TMPRSS11F: variants seen among roughly 807,000 people sequenced by gnomAD.
TMPRSS11F encodes the protein transmembrane serine protease 11F.
In TMPRSS11F, 47 loss-of-function variants were observed where a neutral mutation model predicts 60.2. The observed-to-expected ratio is 0.78, with a 90% CI of 0.62 to 1.00. The LOEUF is 1.00. Ranked by LOEUF, TMPRSS11F falls within the 50% of genes least tolerant of loss-of-function variation. The pLI, the probability that TMPRSS11F is intolerant of heterozygous loss-of-function variation, is 0.00. For missense variants in TMPRSS11F, 519 were observed against 522.9 expected, an observed-to-expected ratio of 0.99 and a Z score of 0.07; for synonymous variants, 166 against 167.3, an observed-to-expected ratio of 0.99 and a Z score of 0.06.
intron 3 of TMPRSS11F, among the ~76,000 whole-genome samples, chr4:68,084,891 C>A (rs1484826267): frequency 7.9e-6 from 1 of 126,450 alleles, no homozygotes; most frequent in Non-Finnish European, 1.7e-5. Context: ...CCCCTCCCCC[C>A]ACCCCACCAC....
chr4:68,083,669 A>T (rs1460880031), intron 3 of TMPRSS11F, among the ~76,000 whole-genome samples: 1 of 152,078 alleles, frequency 6.6e-6, no homozygotes, highest in African/African-American at 2.4e-5. Context: ...AATAATAATA[A>T]AAAAAGCCCC....
chr4:68,074,253 G>A (rs569584704), intron 3 of TMPRSS11F, among the ~76,000 whole-genome samples: 2 of 152,096 alleles, frequency 1.3e-5, no homozygotes, highest in African/African-American at 4.8e-5. Flanking sequence ...CAACAAAATT[G>A]TTCAACTTTG....
At chr4:68,062,419 A>G in intron 8 of TMPRSS11F, 1 of 604,966 alleles carries the variant, frequency 1.7e-6, no homozygotes. Flanking sequence ...AACTTAAAGC[A>G]TTTTGGTAAA....
intron 1 of TMPRSS11F, among the ~76,000 whole-genome samples, chr4:68,110,470 T>G (rs969012160): frequency 6.6e-6 from 1 of 152,122 alleles, no homozygotes; most frequent in African/African-American, 2.4e-5. Flanking sequence ...TTAAAAGGCA[T>G]AAAGTTTGTT....
intron 2 of TMPRSS11F, among the ~76,000 whole-genome samples, chr4:68,091,783 C>CTATCTATCTATCTATCTATA (rs1553887421): frequency 1.5e-4 from 8 of 54,500 alleles, no homozygotes; most frequent in African/African-American, 5.5e-4. Context: ...CTCTCTCTCT[C>CTATCTATCTATCTATCTATA]TATCTATCTA....
intron 3 of TMPRSS11F, among the ~76,000 whole-genome samples, 163 bp downstream of exon 3, chr4:68,090,360 T>G (rs1723899145): frequency 6.6e-6 from 1 of 152,134 alleles, no homozygotes; most frequent in Admixed American, 6.6e-5. Context: ...CTGAATATTT[T>G]ATACATATTA....
intron 1 of TMPRSS11F, among the ~76,000 whole-genome samples, chr4:68,118,872 G>T (rs767177852): frequency 6.6e-6 from 1 of 152,112 alleles, no homozygotes; most frequent in Non-Finnish European, 1.5e-5. Flanking sequence ...TAATTAGGGT[G>T]AAAGCAAAAG....
chr4:68,099,549 G>A lies in TMPRSS11F; in HGVS notation c.12-511C>T, dbSNP rs550482878. Among the ~76,000 whole-genome samples, 13 of 152,142 alleles carry A rather than the reference G, an allele frequency of 8.5e-5. No individual in the cohort carries two copies. In the East Asian group the frequency reaches 2.5e-3, roughly 29 times the overall value. On this transcript the variant is annotated intron_variant, in intron 1 of 9. Transcript: ENST00000356291. ...ACATTTGACTCACATGACCCCACTG[G>A]TGCATTACCTCCATTACTCAAAAAT...
intron 1 of TMPRSS11F, among the ~76,000 whole-genome samples, chr4:68,112,855 G>A (rs1397936349): frequency 1.3e-5 from 2 of 152,092 alleles, no homozygotes; most frequent in Non-Finnish European, 2.9e-5. Context: ...CTAAAGGGCA[G>A]AATCTATAGC....
intron 8 of TMPRSS11F, chr4:68,062,081 G>C (rs946773571): frequency 4.4e-6 from 2 of 450,612 alleles, no homozygotes; most frequent in African/African-American, 4.0e-5. Context: ...CTTACGATAG[G>C]GTTGGAGGAC....
At chr4:68,056,284 C>T (rs1010999968) in intron 9 of TMPRSS11F, among the ~76,000 whole-genome samples, 1 of 151,924 alleles carries the variant, frequency 6.6e-6, no homozygotes, top group Non-Finnish European at 1.5e-5. Flanking sequence ...AACCCTAAAA[C>T]CAACAAAAAG....
At chr4:68,055,132 T>C (rs1403866090) in intron 9 of TMPRSS11F, among the ~76,000 whole-genome samples, 1 of 151,504 alleles carries the variant, frequency 6.6e-6, no homozygotes, top group Admixed American at 6.6e-5. Context: ...AAAAAGGAGG[T>C]GGATGTAGAG....
intron 3 of TMPRSS11F, among the ~76,000 whole-genome samples, chr4:68,082,364 A>G (rs1245510345): frequency 6.6e-6 from 1 of 152,166 alleles, no homozygotes; most frequent in Non-Finnish European, 1.5e-5. Context: ...TGAGGCAGCT[A>G]CAGCAAAACA....
chr4:68,058,394 A>G (rs957755513), intron 9 of TMPRSS11F, among the ~76,000 whole-genome samples: 2 of 152,222 alleles, frequency 1.3e-5, no homozygotes, highest in Admixed American at 1.3e-4. Flanking sequence ...TAAGCTGGAA[A>G]AGTAGAAGCT....
At chr4:68,088,538 C>G (rs1481053628) in intron 3 of TMPRSS11F, among the ~76,000 whole-genome samples, 2 of 151,930 alleles carry the variant, frequency 1.3e-5, no homozygotes, top group Non-Finnish European at 2.9e-5. Flanking sequence ...CTGCACCAAG[C>G]GGACCTAACA....
intron 1 of TMPRSS11F, among the ~76,000 whole-genome samples, chr4:68,100,085 G>A (rs577015817): frequency 1.3e-5 from 2 of 151,610 alleles, no homozygotes; most frequent in South Asian, 4.2e-4. Context: ...GTGGGGCGTT[G>A]GGGGGAAGGG....
chr4:68,063,379 T>C (rs1723245065), intron 8 of TMPRSS11F: 1 of 386,866 alleles, frequency 2.6e-6, no homozygotes, highest in African/African-American at 2.1e-5. Flanking sequence ...TTTTCTGTTT[T>C]TGTTTTTGTT....
In TMPRSS11F at chr4:68,082,122, G is replaced by T. The variant is rs554189584; in HGVS notation, c.283-8113C>A. On this transcript the variant is annotated intron_variant, in intron 3 of 9. Coordinates refer to ENST00000356291, the MANE Select transcript of TMPRSS11F (RefSeq NM_207407.2). The stretch of plus-strand genomic sequence containing the variant: ...ACAGAGGCTGAAGATGAGGAAGCTG[G>T]CAACCCTATGTGGTCTTGCTGGATG... Among the ~76,000 whole-genome samples the T allele has an allele frequency of 3.0e-4, 45 of 152,248 alleles. 1 individual carries two copies. In the South Asian group the frequency reaches 9.1e-3, roughly 31 times the overall value.
At chr4:68,096,917 G>T (rs1208356846) in intron 2 of TMPRSS11F, among the ~76,000 whole-genome samples, 2 of 152,106 alleles carry the variant, frequency 1.3e-5, no homozygotes, top group Admixed American at 1.3e-4. Flanking sequence ...GTCCTCTGTT[G>T]TTTCCCTGGT....
Sources: allele counts gnomAD v4.1 joint callset (sites outside exome capture counted in the v4.1 genomes callset), GRCh38; gene constraint gnomAD v4.1.1; transcripts MANE v1.5; gene names NCBI Gene and HGNC (gene_info 2026-07-23, HGNC 2026-07-21).